Variants in FOXP1 observed in about 807,000 individuals in gnomAD.
FOXP1 encodes forkhead box P1, also known as forkhead box protein P1.
FOXP1 carries 15 observed loss-of-function variants against 98.2 expected under a neutral mutation model. The observed-to-expected ratio is 0.15, with a 90% CI of 0.10 to 0.24. The LOEUF is 0.24. Among genes scored for constraint, FOXP1 ranks in the 10% least tolerant of loss-of-function variants. The pLI, the probability that FOXP1 is intolerant of heterozygous loss-of-function variation, is 1.00. For synonymous variants in FOXP1, 371 were observed against 314.5 expected (o/e 1.18, Z -1.90); for missense variants, 633 against 848.5 (o/e 0.75, Z 3.15).
chr3:71,060,310 C>T (rs932304859), intron 7 of FOXP1, among the ~76,000 whole-genome samples: 1 of 152,100 alleles, frequency 6.6e-6, no homozygotes, highest in Admixed American at 6.5e-5. Context: ...AACACCTTCA[C>T]CTTATACATC....
chr3:71,144,561 G>A (rs145350192), intron 6 of FOXP1, among the ~76,000 whole-genome samples: 13 of 152,310 alleles, frequency 8.5e-5, no homozygotes, highest in African/African-American at 2.6e-4. Context: ...AAGGCTGAGC[G>A]TGATTGTGCC....
intron 4 of FOXP1, among the ~76,000 whole-genome samples, chr3:71,312,600 G>A (rs545186337): frequency 3.7e-4 from 57 of 152,332 alleles, no homozygotes; most frequent in East Asian, 1.9e-4. Flanking sequence ...GAGGCAGGAC[G>A]ATTGCTTGAG....
chr3:71,116,622 A>G lies in FOXP1; in HGVS notation c.181-3985T>C, dbSNP rs567813881. Among the ~76,000 whole-genome samples, 12 of 152,342 alleles carry G rather than the reference A, an allele frequency of 7.9e-5. No homozygotes were observed. In the South Asian group the frequency reaches 1.4e-3, roughly 18 times the overall value. The stretch of plus-strand genomic sequence containing the variant: ...AGAGTAGGAACAAATTATTATCCAT[A>G]TCCTCCCCAAATTAAAATCCATTTA... On this transcript the variant is annotated intron_variant, in intron 6 of 20. Coordinates refer to ENST00000649528, the MANE Select transcript of FOXP1 (RefSeq NM_001349338.3).
chr3:71,094,272 T>C (rs1352352002), intron 7 of FOXP1, among the ~76,000 whole-genome samples: 10 of 149,898 alleles, frequency 6.7e-5, no homozygotes, highest in Admixed American at 6.6e-4. Flanking sequence ...CCCTTTTTTT[T>C]CTTTTCTTTT....
At position 71,442,393 on chromosome 3, in the gene FOXP1, A is replaced by AG. The variant is rs1426025671; in HGVS notation, c.-168+51032_-168+51033insC. Among the ~76,000 whole-genome samples the AG allele has an allele frequency of 4.6e-5, 7 of 151,916 alleles. No individual in the cohort carries two copies. The South Asian group carries it at 1.2e-3, about 27-fold the overall frequency. Reference sequence around the variant, plus strand: ...CTTAAAAAGCCAAAAAAAAAAAAAAACCACATTCAGAGATCAACTAAAACA... The same window carrying AG: ...CTTAAAAAGCCAAAAAAAAAAAAAAAGCCACATTCAGAGATCAACTAAAACA... On this transcript the variant is annotated intron_variant, in intron 3 of 20. Coordinates refer to ENST00000649528, the MANE Select transcript of FOXP1 (RefSeq NM_001349338.3).
chr3:71,535,355 G>A (rs2044203158), intron 2 of FOXP1, among the ~76,000 whole-genome samples: 1 of 152,150 alleles, frequency 6.6e-6, no homozygotes, highest in South Asian at 2.1e-4. Flanking sequence ...CATGGCCTGA[G>A]AAGCAGAGGG....
intron 3 of FOXP1, among the ~76,000 whole-genome samples, chr3:71,487,559 C>T (rs1257417793): frequency 6.6e-6 from 1 of 150,856 alleles, no homozygotes; most frequent in Admixed American, 6.6e-5. Flanking sequence ...TCTGAGGCCA[C>T]ATCTACACTC....
chr3:71,097,444 C>T (rs969147087), intron 7 of FOXP1, among the ~76,000 whole-genome samples: 1 of 152,088 alleles, frequency 6.6e-6, no homozygotes, highest in Non-Finnish European at 1.5e-5. Context: ...TGGCTCTTTA[C>T]AGAGAAATTT....
chr3:71,401,199 C>G (rs908418190), intron 3 of FOXP1, among the ~76,000 whole-genome samples: 1 of 152,240 alleles, frequency 6.6e-6, no homozygotes, highest in Non-Finnish European at 1.5e-5. Flanking sequence ...CTCCCCTGCA[C>G]ATTGCCCCCT....
chr3:71,376,899 T>C (rs894577620), intron 3 of FOXP1, among the ~76,000 whole-genome samples: 5 of 152,236 alleles, frequency 3.3e-5, no homozygotes, highest in Admixed American at 2.6e-4. Context: ...AGATAAAGAA[T>C]TATCACAATT....
chr3:71,351,043 T>A (rs145662302), intron 4 of FOXP1, among the ~76,000 whole-genome samples: 1 of 152,246 alleles, frequency 6.6e-6, no homozygotes, highest in African/African-American at 2.4e-5. Context: ...AGCAGGAAGA[T>A]CCAGATTCCA....
intron 3 of FOXP1, among the ~76,000 whole-genome samples, chr3:71,463,155 G>T (rs536837452): frequency 6.6e-6 from 1 of 152,154 alleles, no homozygotes; most frequent in East Asian, 1.9e-4. Context: ...TTAAGGTCAG[G>T]AGTTCGAGAC....
At chr3:71,077,683 T>C (rs996273034) in intron 7 of FOXP1, among the ~76,000 whole-genome samples, 1 of 152,200 alleles carries the variant, frequency 6.6e-6, no homozygotes, top group Non-Finnish European at 1.5e-5. Context: ...CCGTTGTACA[T>C]AACCCTGTAC....
intron 11 of FOXP1, chr3:71,040,385 C>CTGCCTA (rs1169269527): frequency 7.9e-5 from 12 of 152,184 alleles, no homozygotes; most frequent in African/African-American, 2.9e-4. Flanking sequence ...TTCTTTACCT[C>CTGCCTA]TGTGTGTGGA....
chr3:70,978,884 ATTTT>A (rs1411976980), intron 14 of FOXP1, among the ~76,000 whole-genome samples: 1 of 152,120 alleles, frequency 6.6e-6, no homozygotes, highest in African/African-American at 2.4e-5. Flanking sequence ...GAGGTTTTTG[ATTTT>A]TTTCCTTCAA....
intron 3 of FOXP1, among the ~76,000 whole-genome samples, chr3:71,459,722 T>C (rs2087840167): frequency 1.3e-5 from 2 of 152,258 alleles, no homozygotes; most frequent in African/African-American, 2.4e-5. Flanking sequence ...CTTCCCAATG[T>C]GTTTAAGAAA....
intron 4 of FOXP1, among the ~76,000 whole-genome samples, chr3:71,344,377 A>G (rs1560341020): frequency 6.6e-6 from 1 of 152,182 alleles, no homozygotes; most frequent in Non-Finnish European, 1.5e-5. Flanking sequence ...TGCCACCCAC[A>G]AACAGTGTGA....
chr3:71,441,231 TG>T (rs1180191163), intron 3 of FOXP1, among the ~76,000 whole-genome samples: 5 of 152,226 alleles, frequency 3.3e-5, no homozygotes, highest in Non-Finnish European at 7.3e-5. Flanking sequence ...GTCATTCTCA[TG>T]GAAGTAGAAG....
intron 13 of FOXP1, among the ~76,000 whole-genome samples, chr3:70,996,771 T>A (rs2041425763): frequency 6.6e-6 from 1 of 152,168 alleles, no homozygotes; most frequent in African/African-American, 2.4e-5. Flanking sequence ...TATGGTAAGA[T>A]TCAATCTGAG....
Sources: gnomAD v4.1 joint callset for allele counts (sites outside exome capture counted in the v4.1 genomes callset) on GRCh38, gnomAD v4.1.1 for gene constraint, MANE v1.5 for transcripts, NCBI Gene and HGNC (gene_info 2026-07-23, HGNC 2026-07-21) for gene names.